PLD5: variants seen among roughly 807,000 people sequenced by gnomAD.
PLD5 encodes inactive phospholipase D5.
A neutral mutation model predicts 61.1 loss-of-function variants in PLD5; 36 were observed. The observed-to-expected ratio is 0.59, with a 90% CI of 0.45 to 0.78. PLD5 has a LOEUF of 0.78. Ranked by LOEUF, PLD5 falls within the 30% of genes least tolerant of loss-of-function variation. The pLI is 0.00. For synonymous variants in PLD5, 243 were observed against 242.8 expected, an observed-to-expected ratio of 1.00 and a Z score of -0.01; for missense variants, 515 against 644.4, an observed-to-expected ratio of 0.80 and a Z score of 2.17.
At chr1:242,524,035 G>A in intron 1 of PLD5, 53 bp downstream of exon 1, 1 of 1,492,440 alleles carries the variant, frequency 6.7e-7, no homozygotes, top group Non-Finnish European at 8.9e-7. Flanking sequence ...ACCACGGGGA[G>A]GGTGCATGCG....
intron 1 of PLD5, among the ~76,000 whole-genome samples, chr1:242,411,901 G>T (rs975749099): frequency 6.6e-6 from 1 of 151,776 alleles, no homozygotes; most frequent in Non-Finnish European, 1.5e-5. Context: ...TGCCAAAGAG[G>T]TTCTTGGGAG....
chr1:242,149,341 C>A (rs1664760324), intron 5 of PLD5, among the ~76,000 whole-genome samples: 1 of 151,792 alleles, frequency 6.6e-6, no homozygotes, highest in Non-Finnish European at 1.5e-5. Flanking sequence ...CTGAGATAAA[C>A]TCTACTTGAT....
At chr1:242,332,807 A>C (rs1186665479) in intron 2 of PLD5, among the ~76,000 whole-genome samples, 1 of 152,208 alleles carries the variant, frequency 6.6e-6, no homozygotes, top group Non-Finnish European at 1.5e-5. Context: ...AATTGTGTAA[A>C]ATAAGACTCT....
intron 5 of PLD5, among the ~76,000 whole-genome samples, chr1:242,185,625 T>TAGAGA (rs2148913315): frequency 6.6e-6 from 1 of 152,332 alleles, no homozygotes; most frequent in African/African-American, 2.4e-5. Context: ...GTTTATTTGT[T>TAGAGA]AGAGAATCAT....
At chr1:242,315,739 C>A (rs1424555547) in intron 2 of PLD5, among the ~76,000 whole-genome samples, 1 of 152,154 alleles carries the variant, frequency 6.6e-6, no homozygotes, top group Non-Finnish European at 1.5e-5. Context: ...GCTGGGACTA[C>A]AGGCATATGC....
intron 3 of PLD5, among the ~76,000 whole-genome samples, chr1:242,281,223 T>C (rs1674701087): frequency 6.6e-6 from 1 of 152,242 alleles, no homozygotes; most frequent in Non-Finnish European, 1.5e-5. Context: ...GGAAACGTTT[T>C]ATAAGTTTGA....
chr1:242,293,207 A>C (rs1168347348), intron 2 of PLD5, among the ~76,000 whole-genome samples: 1 of 152,224 alleles, frequency 6.6e-6, no homozygotes, highest in Non-Finnish European at 1.5e-5. Flanking sequence ...TGGTAGAGAA[A>C]GTGAAGCAAG....
chr1:242,356,735 T>A (rs1031006117), intron 1 of PLD5, among the ~76,000 whole-genome samples: 13 of 152,034 alleles, frequency 8.6e-5, no homozygotes, highest in African/African-American at 3.1e-4. Context: ...CATGAGACTT[T>A]CCTAGAATAT....
At chr1:242,174,727 T>G (rs1054854847) in intron 5 of PLD5, among the ~76,000 whole-genome samples, 30 of 151,940 alleles carry the variant, frequency 2.0e-4, no homozygotes, top group African/African-American at 7.2e-4. Context: ...CCATAAAAAA[T>G]GATGAGTTCA....
intron 1 of PLD5, among the ~76,000 whole-genome samples, chr1:242,393,808 T>C (rs1356376654): frequency 6.7e-6 from 1 of 148,496 alleles, no homozygotes; most frequent in African/African-American, 2.5e-5. Context: ...GCCTGTATTC[T>C]CAGCACTTTG....
intron 5 of PLD5, among the ~76,000 whole-genome samples, chr1:242,171,657 G>GA (rs1666756658): frequency 1.3e-5 from 2 of 150,146 alleles, no homozygotes; most frequent in African/African-American, 2.5e-5. Flanking sequence ...ATCTCACATG[G>GA]AAAAAACCAC....
At chr1:242,204,941 T>C (rs2148964902) in intron 5 of PLD5, among the ~76,000 whole-genome samples, 1 of 152,326 alleles carries the variant, frequency 6.6e-6, no homozygotes, top group East Asian at 1.9e-4. Context: ...TGTTTTCAGA[T>C]GTATAGTGCG....
At chr1:242,480,333 C>A (rs1228784673) in intron 1 of PLD5, among the ~76,000 whole-genome samples, 1 of 152,066 alleles carries the variant, frequency 6.6e-6, no homozygotes, top group African/African-American at 2.4e-5. Context: ...AAACTTTAAA[C>A]CCTATCTCAC....
At chr1:242,173,774 C>G (rs1352166671) in intron 5 of PLD5, among the ~76,000 whole-genome samples, 1 of 152,026 alleles carries the variant, frequency 6.6e-6, no homozygotes, top group East Asian at 1.9e-4. Context: ...CTTTGACAAA[C>G]CTGACAAAAA....
intron 1 of PLD5, among the ~76,000 whole-genome samples, chr1:242,453,897 A>G (rs1036237344): frequency 1.3e-5 from 2 of 152,154 alleles, no homozygotes; most frequent in African/African-American, 4.8e-5. Flanking sequence ...TTGCCTGGCC[A>G]TTGGATATGT....
At chr1:242,164,062 A>G (rs1430755282) in intron 5 of PLD5, among the ~76,000 whole-genome samples, 1 of 152,070 alleles carries the variant, frequency 6.6e-6, no homozygotes, top group Non-Finnish European at 1.5e-5. Flanking sequence ...TGTGCAAAGG[A>G]TAAGTGACTA....
intron 5 of PLD5, among the ~76,000 whole-genome samples, chr1:242,156,474 T>C (rs1441933125): frequency 1.3e-5 from 2 of 152,108 alleles, no homozygotes; most frequent in African/African-American, 4.8e-5. Context: ...TGGTATGTTT[T>C]TGCAGTGGCT....
chr1:242,356,788 C>A (rs3905156), intron 1 of PLD5, among the ~76,000 whole-genome samples: 134,680 of 152,076 alleles, frequency 0.89, 61,083 homozygotes, highest in Non-Finnish European at 0.98. Context: ...AACAGCTTAA[C>A]TTTGATTACA....
At chr1:242,159,228 G>A (rs945273300) in intron 5 of PLD5, among the ~76,000 whole-genome samples, 16 of 152,166 alleles carry the variant, frequency 1.1e-4, no homozygotes, top group Admixed American at 9.2e-4. Context: ...GTTGGATATA[G>A]AAAGGTAAAA....
Sources: allele counts gnomAD v4.1 joint callset (sites outside exome capture counted in the v4.1 genomes callset), GRCh38; gene constraint gnomAD v4.1.1; transcripts MANE v1.5; gene names NCBI Gene and HGNC (gene_info 2026-07-23, HGNC 2026-07-21).